Variants in PDE3A observed in about 807,000 individuals in gnomAD.
PDE3A encodes the protein phosphodiesterase 3A, also known as cGMP-inhibited 3',5'-cyclic phosphodiesterase 3A.
In PDE3A, 43 loss-of-function variants were observed where a neutral mutation model predicts 98.3. That is an observed-to-expected ratio of 0.44 (90% CI 0.34 to 0.56). The LOEUF (loss-of-function observed/expected upper bound fraction) is 0.56. Among genes scored for constraint, PDE3A ranks in the 20% least tolerant of loss-of-function variants. PDE3A has a pLI of 0.01. For synonymous variants in PDE3A, 663 were observed against 567.9 expected (o/e 1.17, Z -2.38); for missense variants, 1,427 against 1,440.7 (o/e 0.99, Z 0.15).
chr12:20,629,968 C>T lies in PDE3A; in HGVS notation c.1601C>T (p.Pro534Leu). The T allele has an allele frequency of 6.2e-7, 1 of 1,614,076 alleles. No individual in the cohort carries two copies. Among genetic ancestry groups the T allele is most frequent in the Non-Finnish European group, 8.5e-7 (1 of 1,179,982 alleles). The change falls in exon 6 of 16, where the codon CCT becomes CTT. Residue 534 changes from proline (P) to leucine (L), a missense_variant. Coordinates refer to ENST00000359062, the MANE Select transcript of PDE3A (RefSeq NM_000921.5). ...SPCSSPLQGT[P>L]ASSLVSKISA... Reference sequence around the variant, plus strand: ...TGCTCCTCACCTCTCCAAGGGACTCCTGCCAGCAGCCTGGTCAGCAAAATT... The same window carrying T: ...TGCTCCTCACCTCTCCAAGGGACTCTTGCCAGCAGCCTGGTCAGCAAAATT...
chr12:20,588,131 G>T (rs888960480), intron 2 of PDE3A, among the ~76,000 whole-genome samples: 4 of 152,290 alleles, frequency 2.6e-5, no homozygotes, highest in Non-Finnish European at 4.4e-5. Context: ...TGAAGAAGGC[G>T]GTAGGGGCAG....
At chr12:20,641,781 AT>A (rs1302538687) in intron 10 of PDE3A, among the ~76,000 whole-genome samples, 1 of 152,144 alleles carries the variant, frequency 6.6e-6, no homozygotes, top group Non-Finnish European at 1.5e-5. Context: ...AGTAATAGAT[AT>A]TTTTTACCCC....
chr12:20,429,968 T>G lies in PDE3A; in HGVS notation c.960+59724T>G, dbSNP rs1944668043. ...AACTCTGAAATGCCCCTAAATGTTT[T>G]TAAAATTTCTTTGTGTATGTTTTCA... On this transcript the variant is annotated intron_variant, in intron 1 of 15. Coordinates refer to ENST00000359062, the MANE Select transcript of PDE3A (RefSeq NM_000921.5). 2.0e-5 allele frequency among the ~76,000 whole-genome samples: 3 copies of G among 152,310 alleles called. No individual in the cohort carries two copies. The South Asian group carries it at 6.2e-4, about 32-fold the overall frequency.
chr12:20,544,766 G>A (rs370068630), intron 1 of PDE3A, among the ~76,000 whole-genome samples: 1 of 151,766 alleles, frequency 6.6e-6, no homozygotes, highest in South Asian at 2.1e-4. Context: ...TGGAGCATAT[G>A]CCTCTATGGT....
intron 1 of PDE3A, among the ~76,000 whole-genome samples, chr12:20,532,358 A>AATTT (rs57073373): frequency 0.95 from 143,644 of 151,982 alleles, 68,026 homozygotes; most frequent in East Asian, 1. Flanking sequence ...TAAATCATGT[A>AATTT]ATTTATGCAA....
intron 1 of PDE3A, among the ~76,000 whole-genome samples, chr12:20,530,116 C>A (rs2121182999): frequency 6.6e-6 from 1 of 152,272 alleles, no homozygotes; most frequent in East Asian, 1.9e-4. Context: ...AATAAAAACT[C>A]AAACTTGAGG....
Position 20,552,688 on chromosome 12 carries a change from G to A in PDE3A, c.961-3972G>A, listed in dbSNP as rs1942246182. ...CCAGCAGAGCAGCCTCATCAGAGAG[G>A]ACAAGAGCAACGCCAAGCTGTGGAA... On this transcript the variant is annotated intron_variant, in intron 1 of 15. Coordinates refer to ENST00000359062, the MANE Select transcript of PDE3A (RefSeq NM_000921.5). This position sits in a 1 kb window ranked among gnomAD's most constrained non-coding sequence, Gnocchi z 5.1. 8 of 1,614,026 alleles carry A rather than the reference G, an allele frequency of 5.0e-6. No homozygotes were observed. The highest frequency in any genetic ancestry group is 1.7e-5 in the Admixed American group (1 of 60,026).
At chr12:20,678,323 T>C (rs983365752) in intron 15 of PDE3A, among the ~76,000 whole-genome samples, 1 of 152,130 alleles carries the variant, frequency 6.6e-6, no homozygotes, top group African/African-American at 2.4e-5. Context: ...AATTTCTCTG[T>C]TGAATTCAAA....
At chr12:20,512,663 A>G (rs1429302672) in intron 1 of PDE3A, among the ~76,000 whole-genome samples, 1 of 152,102 alleles carries the variant, frequency 6.6e-6, no homozygotes, top group Non-Finnish European at 1.5e-5. Context: ...TGTAAGTAGA[A>G]TGATTTTCCA....
At chr12:20,525,138 A>G (rs1946492983) in intron 1 of PDE3A, among the ~76,000 whole-genome samples, 1 of 152,140 alleles carries the variant, frequency 6.6e-6, no homozygotes, top group African/African-American at 2.4e-5. Flanking sequence ...TCTCCAACAA[A>G]AAAGAAGATG....
intron 5 of PDE3A, among the ~76,000 whole-genome samples, chr12:20,629,516 G>C (rs1944335645): frequency 6.6e-6 from 1 of 152,108 alleles, no homozygotes; most frequent in Non-Finnish European, 1.5e-5. Context: ...AGCAGATCCT[G>C]TTCCTGCTAA....
intron 2 of PDE3A, 158 bp downstream of exon 2, chr12:20,556,868 T>C (rs1272175426): frequency 3.0e-6 from 2 of 673,850 alleles, no homozygotes; most frequent in Non-Finnish European, 5.3e-6. Context: ...AAAGTCTGGA[T>C]TTCAAATCCC....
intron 1 of PDE3A, among the ~76,000 whole-genome samples, chr12:20,476,664 A>G (rs1230639865): frequency 6.6e-6 from 1 of 152,170 alleles, no homozygotes; most frequent in East Asian, 1.9e-4. Flanking sequence ...ATGATTATCT[A>G]AATTATCCAA....
intron 1 of PDE3A, among the ~76,000 whole-genome samples, chr12:20,469,276 T>C (rs1945395870): frequency 6.6e-6 from 1 of 152,204 alleles, no homozygotes; most frequent in African/African-American, 2.4e-5. Context: ...AATACCCTTC[T>C]AGTTACTTGG....
At chr12:20,424,160 A>T (rs1240849858) in intron 1 of PDE3A, among the ~76,000 whole-genome samples, 2 of 152,234 alleles carry the variant, frequency 1.3e-5, no homozygotes, top group Admixed American at 1.3e-4. Context: ...CTCAGCTTGA[A>T]ATTCTTAATA....
intron 15 of PDE3A, among the ~76,000 whole-genome samples, chr12:20,666,856 G>T (rs1035078761): frequency 2.6e-5 from 4 of 152,160 alleles, no homozygotes; most frequent in African/African-American, 9.7e-5. Context: ...TCTGCATACT[G>T]TTTTCCATAG....
intron 2 of PDE3A, among the ~76,000 whole-genome samples, chr12:20,603,719 A>G (rs928779042): frequency 6.6e-6 from 1 of 152,200 alleles, no homozygotes; most frequent in African/African-American, 2.4e-5. Flanking sequence ...TTTCACCAAC[A>G]ATAATGATAA....
chr12:20,376,051 G>A (rs189635208), intron 1 of PDE3A, among the ~76,000 whole-genome samples: 365 of 151,986 alleles, frequency 2.4e-3, no homozygotes, highest in Non-Finnish European at 4.0e-3. Flanking sequence ...TTACTTTGGT[G>A]TACCTTTACA....
intron 4 of PDE3A, among the ~76,000 whole-genome samples, chr12:20,619,203 C>T (rs1944077122): frequency 6.6e-6 from 1 of 151,704 alleles, no homozygotes; most frequent in Admixed American, 6.6e-5. Context: ...TAGTAAAATA[C>T]AATTATTTAG....
Sources: gnomAD v4.1 joint callset for allele counts (sites outside exome capture counted in the v4.1 genomes callset) on GRCh38, gnomAD v4.1.1 for gene constraint, Gnocchi (gnomAD v3.1) non-coding constraint, MANE v1.5 for transcripts, NCBI Gene and HGNC (gene_info 2026-07-23, HGNC 2026-07-21) for gene names.